NOX4: variants seen among roughly 807,000 people sequenced by gnomAD.
NOX4 encodes the protein kidney oxidase-1.
In NOX4, 69 loss-of-function variants were observed where a neutral mutation model predicts 87.6. The ratio of observed to expected loss-of-function variants is 0.79; its 90% confidence interval spans 0.65 to 0.96. The LOEUF is 0.96. Ranked by LOEUF, NOX4 falls within the 40% of genes least tolerant of loss-of-function variation. NOX4 has a pLI of 0.00. For synonymous variants in NOX4, 275 were observed against 238.2 expected, an observed-to-expected ratio of 1.15 and a Z score of -1.42; for missense variants, 680 against 681.5, an observed-to-expected ratio of 1.00 and a Z score of 0.02.
intron 11 of NOX4, among the ~76,000 whole-genome samples, chr11:89,385,933 G>A (rs1337148229): frequency 6.6e-6 from 1 of 152,084 alleles, no homozygotes; most frequent in Non-Finnish European, 1.5e-5. Flanking sequence ...GTCCAATAAT[G>A]GACCGGCCTT....
intron 3 of NOX4, 113 bp downstream of exon 3, chr11:89,451,672 T>C: frequency 1.4e-6 from 1 of 700,566 alleles, no homozygotes; most frequent in Non-Finnish European, 2.5e-6. Flanking sequence ...ACCATCATCT[T>C]ACAAGAAATC....
At chr11:89,328,802 A>G (rs763262054) in intron 17 of NOX4, among the ~76,000 whole-genome samples, 69 of 152,166 alleles carry the variant, frequency 4.5e-4, no homozygotes, top group African/African-American at 1.5e-3. Flanking sequence ...CCCTAATCCA[A>G]TCTGAATGGT....
chr11:89,468,225 T>C (rs1278500472), intron 2 of NOX4, among the ~76,000 whole-genome samples: 1 of 152,202 alleles, frequency 6.6e-6, no homozygotes, highest in Non-Finnish European at 1.5e-5. Flanking sequence ...TCTGTGTCTC[T>C]GTAACTTCCA....
intron 3 of NOX4, among the ~76,000 whole-genome samples, chr11:89,450,570 T>TTTA (rs908987998): frequency 3.4e-4 from 52 of 151,602 alleles, no homozygotes; most frequent in African/African-American, 8.7e-4. Flanking sequence ...GACATCACTA[T>TTTA]TTATTATTAT....
chr11:89,507,625 C>T, the NOX4 span, among the ~76,000 whole-genome samples: 1 of 151,756 alleles, frequency 6.6e-6, no homozygotes, highest in Non-Finnish European at 1.5e-5. Flanking sequence ...TCCCATGGGG[C>T]AATTCAGTAT....
chr11:89,349,292 T>TAAAAC (rs1946352445), intron 13 of NOX4, among the ~76,000 whole-genome samples: 2 of 89,686 alleles, frequency 2.2e-5, no homozygotes, highest in African/African-American at 2.7e-4. Flanking sequence ...GTCTAAAAAA[T>TAAAAC]AAAATAAAAT....
chr11:89,558,944 A>C, the NOX4 span, among the ~76,000 whole-genome samples: 3 of 151,384 alleles, frequency 2.0e-5, no homozygotes, highest in Admixed American at 1.3e-4. Flanking sequence ...AACACTCTCA[A>C]TTTTCACCTA....
chr11:89,381,706 C>T (rs1940297267), intron 11 of NOX4, among the ~76,000 whole-genome samples: 1 of 152,304 alleles, frequency 6.6e-6, no homozygotes, highest in East Asian at 1.9e-4. Flanking sequence ...GGGGACCTCC[C>T]TTGGGAGATC....
chr11:89,556,340 T>G, the NOX4 span, among the ~76,000 whole-genome samples: 2 of 152,060 alleles, frequency 1.3e-5, no homozygotes, highest in African/African-American at 4.8e-5. Flanking sequence ...CTGGCCAACA[T>G]GGCGAAACCT....
intron 17 of NOX4, among the ~76,000 whole-genome samples, chr11:89,327,469 T>C (rs571166724): frequency 6.6e-6 from 1 of 152,294 alleles, no homozygotes; most frequent in East Asian, 1.9e-4. Flanking sequence ...TGCACTGCAA[T>C]AATGGTAACA....
chr11:89,587,859 T>G, the NOX4 span, among the ~76,000 whole-genome samples: 1 of 152,154 alleles, frequency 6.6e-6, no homozygotes, highest in Non-Finnish European at 1.5e-5. Context: ...TTGAAGACAC[T>G]GGAGAACAGA....
the NOX4 span, among the ~76,000 whole-genome samples, chr11:89,510,060 C>T: frequency 1.2e-4 from 18 of 151,980 alleles, no homozygotes; most frequent in East Asian, 1.4e-3. Flanking sequence ...TGGATTCTTT[C>T]GAAAAAGTTA....
the NOX4 span, among the ~76,000 whole-genome samples, chr11:89,580,090 T>TG: frequency 6.6e-6 from 1 of 152,198 alleles, no homozygotes; most frequent in Non-Finnish European, 1.5e-5. Context: ...GCGGGTTTTG[T>TG]GTAAGAGCTT....
At chr11:89,576,716 A>G in the NOX4 span, among the ~76,000 whole-genome samples, 1 of 152,174 alleles carries the variant, frequency 6.6e-6, no homozygotes, top group East Asian at 1.9e-4. Context: ...ACATTCCTTC[A>G]ATCTTTAATG....
At chr11:89,574,353 T>C in the NOX4 span, among the ~76,000 whole-genome samples, 11 of 152,206 alleles carry the variant, frequency 7.2e-5, no homozygotes, top group Non-Finnish European at 1.5e-4. Context: ...CCCAAAGTAC[T>C]GCCCAATCTG....
the NOX4 span, among the ~76,000 whole-genome samples, chr11:89,528,321 T>C: frequency 6.6e-6 from 1 of 152,166 alleles, no homozygotes; most frequent in Admixed American, 6.6e-5. Context: ...CTTGGACTTT[T>C]AGGTTACTTC....
At chr11:89,333,786 TTTTCC>T (rs1396929007) in intron 17 of NOX4, among the ~76,000 whole-genome samples, 1 of 151,774 alleles carries the variant, frequency 6.6e-6, no homozygotes, top group Non-Finnish European at 1.5e-5. Flanking sequence ...TGATCCATTC[TTTTCC>T]TAAGTATGCT....
chr11:89,406,599 A>G (rs1942200244), intron 8 of NOX4, among the ~76,000 whole-genome samples: 1 of 152,146 alleles, frequency 6.6e-6, no homozygotes, highest in Non-Finnish European at 1.5e-5. Context: ...AGTCTAGAGC[A>G]GCACTGTCCA....
intron 2 of NOX4, among the ~76,000 whole-genome samples, chr11:89,475,172 C>T (rs796491501): frequency 1.3e-5 from 2 of 151,836 alleles, no homozygotes; most frequent in African/African-American, 4.8e-5. Flanking sequence ...GATCACACTG[C>T]TACTTAAAAA....
Sources: gnomAD v4.1 joint callset for allele counts (sites outside exome capture counted in the v4.1 genomes callset) on GRCh38, gnomAD v4.1.1 for gene constraint, MANE v1.5 for transcripts, NCBI Gene and HGNC (gene_info 2026-07-23, HGNC 2026-07-21) for gene names.